The following RBBP4 variants were observed in gnomAD, a reference collection of about 807,000 sequenced individuals.
RBBP4 encodes RB binding protein 4, chromatin remodeling factor, also known as histone-binding protein RBBP4.
RBBP4 carries 3 observed loss-of-function variants against 57.2 expected under a neutral mutation model. The ratio of observed to expected loss-of-function variants is 0.05; its 90% confidence interval spans 0.02 to 0.14. RBBP4 has a LOEUF of 0.14. RBBP4 is among the 10% of genes least tolerant of loss of function. RBBP4 has a pLI of 1.00. For synonymous variants in RBBP4, 151 were observed against 171.5 expected, an observed-to-expected ratio of 0.88 and a Z score of 0.93; for missense variants, 107 against 520.6, an observed-to-expected ratio of 0.21 and a Z score of 7.73.
At position 32,657,548 on chromosome 1, in the gene RBBP4, T is replaced by G; in HGVS notation, c.286T>G (p.Ser96Ala). 1 of 1,614,110 alleles carries G rather than the reference T, an allele frequency of 6.2e-7. No homozygotes were observed. The highest frequency in any genetic ancestry group is 8.5e-7 in the Non-Finnish European group (1 of 1,180,010). Residue 96 changes from serine to alanine, a missense_variant, in exon 3 of 12, where the codon TCA (serine) becomes GCA (alanine). By Grantham distance (99) the Ser-to-Ala change is moderately conservative (BLOSUM62 1). Coordinates refer to ENST00000373493, the MANE Select transcript of RBBP4 (RefSeq NM_005610.3). The stretch of plus-strand genomic sequence containing the variant: ...TAATGATGATGCTCAGTTTGATGCG[T>G]CACACTACGACAGTGAGAAAGGAGG... ...LPNDDAQFDASHYDSEKGEFG... is the reference protein window; with the variant it reads ...LPNDDAQFDAAHYDSEKGEFG...
chr1:32,675,133 C>T (rs1351388088), intron 11 of RBBP4, among the ~76,000 whole-genome samples: 4 of 151,908 alleles, frequency 2.6e-5, no homozygotes, highest in Non-Finnish European at 5.9e-5. Context: ...TGGGTTCAAG[C>T]GATTCTCCTG....
intron 3 of RBBP4, among the ~76,000 whole-genome samples, chr1:32,661,545 C>G (rs956477419): frequency 6.6e-6 from 1 of 151,992 alleles, no homozygotes; most frequent in African/African-American, 2.4e-5. Flanking sequence ...CCACCTGCGT[C>G]AGCCTCCCAA....
Position 32,684,503 on chromosome 1 carries a change from G to T in RBBP4, c.*4798G>T. On this transcript the variant is annotated 3_prime_UTR_variant, in exon 12 of 12. Transcript: ENST00000373493. The stretch of plus-strand genomic sequence containing the variant: ...AATCTTGATAGCAGTATTGAGGCTG[G>T]TATTTATATGATAGGTTATGAAACA... 7.2e-7 allele frequency: 1 copy of T among 1,381,132 alleles called. No homozygotes were observed. The highest frequency in any genetic ancestry group is 1.4e-5 in the South Asian group (1 of 73,462). 85.6% of individuals were successfully genotyped at this position (1,381,132 alleles called of 1,614,324 possible).
At chr1:32,673,393 G>A (rs559784028) in intron 11 of RBBP4, 35 of 380,062 alleles carry the variant, frequency 9.2e-5, no homozygotes, top group South Asian at 6.8e-4. Context: ...TTTCAAAAAT[G>A]TTCCCTATCT....
In RBBP4 at chr1:32,684,734, G is replaced by A. The variant is rs937329088; in HGVS notation, c.*5029G>A. On this transcript the variant is annotated 3_prime_UTR_variant, in exon 12 of 12. Coordinates refer to ENST00000373493, the MANE Select transcript of RBBP4 (RefSeq NM_005610.3). ...GTTTCATATACCTCTCCCTCCATGT[G>A]CAGGTTTGTTAAGATAATTGGTAGT... The A allele has an allele frequency of 5.4e-6, 1 of 185,002 alleles. No individual in the cohort carries two copies. The allele number at this position is 185,002 out of a possible 1,614,324, so 11.5% of individuals were successfully genotyped here.
In RBBP4 at chr1:32,684,896, T is replaced by C. The variant is rs1649713720; in HGVS notation, c.*5191T>C. ...AATAAATGGCTTGTTTAAGGAAAAGTTTTTGTGTCCAAAGCTCCTTAAAGT... is the reference window on the plus strand; with the variant it reads ...AATAAATGGCTTGTTTAAGGAAAAGCTTTTGTGTCCAAAGCTCCTTAAAGT... On this transcript the variant is annotated 3_prime_UTR_variant, in exon 12 of 12. Transcript: ENST00000373493. The C allele has an allele frequency of 6.5e-6, 1 of 153,392 alleles. No homozygotes were observed. The highest frequency in any genetic ancestry group is 2.4e-5 in the African/African-American group (1 of 41,450). 9.5% of individuals were successfully genotyped at this position (153,392 alleles called of 1,614,324 possible).
Position 32,679,736 on chromosome 1 carries a change from C to G in RBBP4, c.*31C>G, listed in dbSNP as rs548190646. The G allele has an allele frequency of 6.2e-7, 1 of 1,611,738 alleles. No homozygotes were observed. The highest frequency in any genetic ancestry group is 2.2e-5 in the East Asian group (1 of 44,732). On this transcript the variant is annotated 3_prime_UTR_variant, in exon 12 of 12. Transcript: ENST00000373493. ...TCTTTACTTGTTGTGATTTTAGACTCCCCTTTTTTCTTCTCAACCCTGAGA... is the reference window on the plus strand; with the variant it reads ...TCTTTACTTGTTGTGATTTTAGACTGCCCTTTTTTCTTCTCAACCCTGAGA...
intron 3 of RBBP4, among the ~76,000 whole-genome samples, chr1:32,658,673 A>T (rs761418095): frequency 1.8e-4 from 27 of 151,708 alleles, no homozygotes; most frequent in Non-Finnish European, 3.7e-4. Flanking sequence ...CAGCCTCCCA[A>T]GCAGCTGGGA....
chr1:32,671,753 C>T (rs1036038839), intron 8 of RBBP4, among the ~76,000 whole-genome samples: 3 of 151,634 alleles, frequency 2.0e-5, no homozygotes, highest in Non-Finnish European at 2.9e-5. Context: ...ATTAGCTGGC[C>T]GTGGTGGCGG....
chr1:32,670,868 T>A (rs1001640239), intron 8 of RBBP4, among the ~76,000 whole-genome samples: 1 of 152,190 alleles, frequency 6.6e-6, no homozygotes, highest in Non-Finnish European at 1.5e-5. Context: ...GAACTGGGCT[T>A]TAGGTGAGCC....
At chr1:32,674,749 A>G (rs536048003) in intron 11 of RBBP4, among the ~76,000 whole-genome samples, 6 of 147,414 alleles carry the variant, frequency 4.1e-5, no homozygotes, top group South Asian at 2.1e-4. Context: ...TTTTTCTGAG[A>G]CAGAGTCTCA....
intron 8 of RBBP4, among the ~76,000 whole-genome samples, chr1:32,670,884 C>T (rs1274568719): frequency 1.3e-5 from 2 of 152,184 alleles, no homozygotes; most frequent in Non-Finnish European, 2.9e-5. Flanking sequence ...GAGCCATACT[C>T]CTACATACTT....
rs541580460 is a variant in RBBP4, at chr1:32,667,178, TGTG to T, written c.311-1043_311-1041del. Among the ~76,000 whole-genome samples the T allele has an allele frequency of 2.7e-3, 404 of 152,330 alleles. 4 individuals are homozygous for T. Among genetic ancestry groups the T allele is most frequent in the African/African-American group, 9.5e-3 (395 of 41,588 alleles). ...TCATCCGGAGGCCTAAACCCCTCCT[TGTG>T]GTGCTGTGCTTCAGTGGTCATGCTC... On this transcript the variant is annotated intron_variant, in intron 3 of 11. Transcript: ENST00000373493.
At chr1:32,655,794 A>G (rs1378310633) in intron 2 of RBBP4, among the ~76,000 whole-genome samples, 1 of 152,156 alleles carries the variant, frequency 6.6e-6, no homozygotes, top group Non-Finnish European at 1.5e-5. Flanking sequence ...TCTCCATTTT[A>G]TAGGCAGTCA....
Position 32,685,613 on chromosome 1 carries a change from A to G in RBBP4, c.*5908A>G, listed in dbSNP as rs1191482228. Reference sequence around the variant, plus strand: ...TCTGGCTGAATCTCAGCTTTCACCAACATTGTCAAAGGACCTTTTTTAGTG... The same window carrying G: ...TCTGGCTGAATCTCAGCTTTCACCAGCATTGTCAAAGGACCTTTTTTAGTG... On this transcript the variant is annotated 3_prime_UTR_variant, in exon 12 of 12. Transcript: ENST00000373493. 1 of 152,168 alleles carries G rather than the reference A, an allele frequency of 6.6e-6. No individual in the cohort carries two copies. Among genetic ancestry groups the G allele is most frequent in the Non-Finnish European group, 1.5e-5 (1 of 68,058 alleles). 9.4% of individuals were successfully genotyped at this position (152,168 alleles called of 1,614,324 possible). A position where few individuals can be genotyped will look rare whatever the true frequency, so the allele number is the denominator to read the frequency against.
chr1:32,656,723 G>A (rs1053821209), intron 2 of RBBP4, among the ~76,000 whole-genome samples: 2 of 152,166 alleles, frequency 1.3e-5, no homozygotes, highest in East Asian at 3.9e-4. Flanking sequence ...TTGGAGCGAT[G>A]TGTCCATTGA....
chr1:32,661,043 G>A (rs1400721276), intron 3 of RBBP4, among the ~76,000 whole-genome samples: 1 of 151,798 alleles, frequency 6.6e-6, no homozygotes, highest in African/African-American at 2.4e-5. Flanking sequence ...AAAACTCCTG[G>A]GCTCTTGCAA....
intron 2 of RBBP4, among the ~76,000 whole-genome samples, chr1:32,654,112 C>T (rs570048535): frequency 4.6e-5 from 7 of 152,014 alleles, no homozygotes; most frequent in East Asian, 1.9e-4. Flanking sequence ...GTGGCTCACA[C>T]GTGTAATCCC....
chr1:32,676,058 CCT>C (rs1430076857), intron 11 of RBBP4, among the ~76,000 whole-genome samples: 1 of 151,978 alleles, frequency 6.6e-6, no homozygotes, highest in East Asian at 1.9e-4. Context: ...GCCTTTAGTC[CCT>C]GCTCTTTGGG....
Sources: gnomAD v4.1 joint callset for allele counts (sites outside exome capture counted in the v4.1 genomes callset) on GRCh38, gnomAD v4.1.1 for gene constraint, MANE v1.5 for transcripts, NCBI Gene and HGNC (gene_info 2026-07-23, HGNC 2026-07-21) for gene names.